GPHN: variants seen among roughly 807,000 people sequenced by gnomAD.
GPHN encodes the protein gephyrin.
Under a neutral mutation model 95.5 loss-of-function variants are expected in GPHN, and 17 were observed. The ratio of observed to expected loss-of-function variants is 0.18; its 90% CI spans 0.12 to 0.27. The LOEUF is 0.27. Among genes scored for constraint, GPHN ranks in the 10% least tolerant of loss-of-function variants. The probability of loss-of-function intolerance (pLI) is 1.00; values close to 1 mark genes in which losing one functional copy is unlikely to be tolerated. For synonymous variants in GPHN, 320 were observed against 322.5 expected, an observed-to-expected ratio of 0.99 and a Z score of 0.08; for missense variants, 660 against 978.1, an observed-to-expected ratio of 0.67 and a Z score of 4.34.
intron 3 of GPHN, among the ~76,000 whole-genome samples, chr14:66,783,560 A>G (rs2059676644): frequency 2.0e-5 from 3 of 152,176 alleles, no homozygotes; most frequent in African/African-American, 4.8e-5. Context: ...TTTCCCACGT[A>G]AGTGAGGCCT....
the GPHN span, chr14:67,555,974 T>C: frequency 3.5e-4 from 532 of 1,518,156 alleles, 4 homozygotes; most frequent in African/African-American, 5.8e-3. Context: ...GGTGGACACA[T>C]ACATCACCAG....
At chr14:66,815,659 G>A (rs2060933223) in intron 3 of GPHN, among the ~76,000 whole-genome samples, 1 of 152,158 alleles carries the variant, frequency 6.6e-6, no homozygotes. Flanking sequence ...GCTCCTGAAG[G>A]AAGCACTAAG....
the GPHN span, among the ~76,000 whole-genome samples, chr14:67,486,345 G>A: frequency 1.3e-5 from 2 of 152,240 alleles, no homozygotes. Flanking sequence ...CACGATCTTG[G>A]CTCACTGCAA....
At chr14:67,514,665 A>C in the GPHN span, among the ~76,000 whole-genome samples, 47 of 152,066 alleles carry the variant, frequency 3.1e-4, no homozygotes, top group Admixed American at 3.0e-3. Flanking sequence ...TTCCACCCAG[A>C]CTGTCACCCC....
the GPHN span, among the ~76,000 whole-genome samples, chr14:67,282,534 A>G: frequency 6.6e-6 from 1 of 152,156 alleles, no homozygotes; most frequent in Admixed American, 6.5e-5. Flanking sequence ...AAATTTGACA[A>G]TGTATGATAA....
chr14:66,889,584 A>G (rs2064367261), intron 5 of GPHN, among the ~76,000 whole-genome samples: 1 of 152,166 alleles, frequency 6.6e-6, no homozygotes, highest in South Asian at 2.1e-4. Context: ...CAAAAATGCA[A>G]CATACCAAAA....
At chr14:67,590,249 ATTTTTTT>A in the GPHN span, 39 of 733,384 alleles carry the variant, frequency 5.3e-5, no homozygotes, top group East Asian at 1.1e-4. Flanking sequence ...CCACTTGCAA[ATTTTTTT>A]TTTTTTTTTT....
chr14:66,950,668 C>T (rs1192032468), intron 8 of GPHN, among the ~76,000 whole-genome samples: 1 of 151,918 alleles, frequency 6.6e-6, no homozygotes, highest in Non-Finnish European at 1.5e-5. Flanking sequence ...TGAAACAGTC[C>T]CCCACCATGT....
chr14:67,651,742 T>A, the GPHN span: 2 of 302,704 alleles, frequency 6.6e-6, no homozygotes, highest in East Asian at 1.6e-4. Flanking sequence ...TAGTAGTTAC[T>A]TCCTTTAAAA....
Position 66,996,035 on chromosome 14 carries a change from T to C in GPHN, c.964-27598T>C. On this transcript the variant is annotated intron_variant, in intron 9 of 22. Transcript: ENST00000478722. ...AAATAACTTGAGTCTTGACATGTTT[T>C]CAAACTCAAGTGTCTGCTTATAAAG... is the stretch of plus-strand genomic sequence containing the variant. 3 of 560,932 alleles carry C rather than the reference T, an allele frequency of 5.3e-6. No individual in the cohort carries two copies. In the South Asian group the frequency reaches 7.3e-5, roughly 14 times the overall value. 34.7% of individuals were successfully genotyped at this position (560,932 alleles called of 1,614,324 possible). A position where few individuals can be genotyped will look rare whatever the true frequency, so the allele number is the denominator to read the frequency against.
rs553486309 is a variant in GPHN at position 66,631,302 on chromosome 14, C to T, written c.65-49805C>T. ...GACCTCATGATCCACCCACCTCGGC[C>T]TCCCAAAGTGCTGGGATTACAGGCA... On this transcript the variant is annotated intron_variant, in intron 1 of 22. Coordinates refer to ENST00000478722, the MANE Select transcript of GPHN (RefSeq NM_020806.5). Among the ~76,000 whole-genome samples the T allele has an allele frequency of 5.3e-5, 8 of 152,270 alleles. No individual in the cohort carries two copies. In the South Asian group the frequency reaches 1.2e-3, roughly 24 times the overall value.
At chr14:67,190,141 C>A in the GPHN span, among the ~76,000 whole-genome samples, 4 of 149,576 alleles carry the variant, frequency 2.7e-5, no homozygotes, top group African/African-American at 9.9e-5. Flanking sequence ...TCTTTAACTC[C>A]TGACCTCAGG....
the GPHN span, among the ~76,000 whole-genome samples, chr14:67,679,833 AT>A: frequency 6.6e-6 from 1 of 152,246 alleles, no homozygotes; most frequent in Non-Finnish European, 1.5e-5. Context: ...TTTAAAAAAA[AT>A]GATTGAATGT....
intron 1 of GPHN, among the ~76,000 whole-genome samples, chr14:66,606,895 G>A (rs915495373): frequency 7.9e-5 from 12 of 152,038 alleles, no homozygotes; most frequent in Non-Finnish European, 1.6e-4. Context: ...CTGAAGAGAG[G>A]TAATATGACT....
chr14:67,115,884 T>C (rs2078660043), intron 16 of GPHN, among the ~76,000 whole-genome samples: 1 of 152,222 alleles, frequency 6.6e-6, no homozygotes, highest in South Asian at 2.1e-4. Flanking sequence ...CAGTATTTTA[T>C]TACTGTATGA....
the GPHN span, among the ~76,000 whole-genome samples, chr14:67,281,350 C>G: frequency 6.6e-6 from 1 of 152,050 alleles, no homozygotes; most frequent in African/African-American, 2.4e-5. Flanking sequence ...AAATTCCTGC[C>G]TTCAGACATT....
the GPHN span, among the ~76,000 whole-genome samples, chr14:67,506,670 G>A: frequency 6.6e-6 from 1 of 152,264 alleles, no homozygotes; most frequent in Admixed American, 6.5e-5. Flanking sequence ...AGGAATGAAA[G>A]AATCCAAGGG....
At chr14:67,592,812 G>GTC in the GPHN span, 1 of 808,580 alleles carries the variant, frequency 1.2e-6, no homozygotes, top group Non-Finnish European at 2.0e-6. Flanking sequence ...TTGAGACAGA[G>GTC]TCTCTCTCTG....
the GPHN span, among the ~76,000 whole-genome samples, chr14:67,203,635 G>A: frequency 2.0e-5 from 3 of 152,332 alleles, no homozygotes; most frequent in African/African-American, 7.2e-5. Flanking sequence ...CTATGATCAT[G>A]AGCAAATTGC....
Sources: gnomAD v4.1 joint callset for allele counts (sites outside exome capture counted in the v4.1 genomes callset) on GRCh38, gnomAD v4.1.1 for gene constraint, MANE v1.5 for transcripts, NCBI Gene and HGNC (gene_info 2026-07-23, HGNC 2026-07-21) for gene names.